RBFOX3: variants seen among roughly 807,000 people sequenced by gnomAD.
RBFOX3 encodes the protein RNA binding protein fox-1 homolog 3.
A neutral mutation model predicts 48.7 loss-of-function variants in RBFOX3; 17 were observed. The observed-to-expected ratio is 0.35, with a 90% CI of 0.24 to 0.52. The LOEUF (loss-of-function observed/expected upper bound fraction) is 0.52. Among genes scored for constraint, RBFOX3 ranks in the 20% least tolerant of loss-of-function variants. The pLI, the probability that RBFOX3 is intolerant of heterozygous loss-of-function variation, is 0.94. For synonymous variants in RBFOX3, 212 were observed against 209.5 expected (o/e 1.01, Z -0.10); for missense variants, 382 against 497.5 (o/e 0.77, Z 2.21).
At chr17:79,555,815 C>A (rs1368210919) in intron 1 of RBFOX3, among the ~76,000 whole-genome samples, 8 of 1,102 alleles carry the variant, frequency 7.3e-3, no homozygotes, top group Admixed American at 0.027. Flanking sequence ...GTGATGGTGA[C>A]GATGATGATA....
At chr17:79,339,740 C>G (rs2081764704) in intron 2 of RBFOX3, among the ~76,000 whole-genome samples, 1 of 152,216 alleles carries the variant, frequency 6.6e-6, no homozygotes, top group African/African-American at 2.4e-5. Flanking sequence ...AAGTTGGGGT[C>G]TGGGTCCTCA....
intron 3 of RBFOX3, among the ~76,000 whole-genome samples, chr17:79,261,130 A>G (rs1031367535): frequency 6.6e-6 from 1 of 151,396 alleles, no homozygotes; most frequent in Non-Finnish European, 1.5e-5. Context: ...TTCCCACCCC[A>G]CGGCGTTCGC....
At chr17:79,147,633 T>C (rs1172143891) in intron 4 of RBFOX3, among the ~76,000 whole-genome samples, 1 of 152,002 alleles carries the variant, frequency 6.6e-6, no homozygotes, top group Non-Finnish European at 1.5e-5. Flanking sequence ...CCAAAGCAGG[T>C]AGTTGGCAAG....
At chr17:79,094,370 G>A (rs1244947292) in intron 14 of RBFOX3, 81 bp downstream of exon 14, 9 of 1,026,314 alleles carry the variant, frequency 8.8e-6, no homozygotes, top group Admixed American at 6.4e-5. Context: ...CAGAGGGCTC[G>A]GCCTCTCCCC....
intron 1 of RBFOX3, among the ~76,000 whole-genome samples, chr17:79,522,668 G>A (rs887538704): frequency 1.3e-5 from 2 of 152,000 alleles, no homozygotes; most frequent in Non-Finnish European, 2.9e-5. Flanking sequence ...GGTGGCTCAC[G>A]CCTGTAAACC....
intron 4 of RBFOX3, among the ~76,000 whole-genome samples, chr17:79,167,907 G>C (rs2145601998): frequency 6.6e-6 from 1 of 152,326 alleles, no homozygotes; most frequent in East Asian, 1.9e-4. Flanking sequence ...AGGCTCTATG[G>C]ATTTCCGAGG....
chr17:79,239,900 G>A (rs1369661954), intron 3 of RBFOX3, among the ~76,000 whole-genome samples: 1 of 152,222 alleles, frequency 6.6e-6, no homozygotes, highest in African/African-American at 2.4e-5. Flanking sequence ...TTGCTCTTGG[G>A]GAATCCCAGC....
At chr17:79,646,261 A>C in the RBFOX3 span, among the ~76,000 whole-genome samples, 1 of 152,222 alleles carries the variant, frequency 6.6e-6, no homozygotes, top group African/African-American at 2.4e-5. Context: ...GCAATGTCCC[A>C]GGTATTGTTC....
chr17:79,401,827 C>T (rs950678533), intron 2 of RBFOX3, among the ~76,000 whole-genome samples: 6 of 152,246 alleles, frequency 3.9e-5, no homozygotes, highest in African/African-American at 1.4e-4. Flanking sequence ...CAGCTTGACA[C>T]ACCAGCCCCA....
chr17:79,526,451 A>C (rs1268688491), intron 1 of RBFOX3, among the ~76,000 whole-genome samples: 2 of 152,232 alleles, frequency 1.3e-5, no homozygotes, highest in African/African-American at 2.4e-5. Flanking sequence ...GAATTTCTGC[A>C]AGGCTGTGCC....
intron 2 of RBFOX3, among the ~76,000 whole-genome samples, chr17:79,365,660 C>T (rs2147414759): frequency 6.6e-6 from 1 of 152,328 alleles, no homozygotes; most frequent in South Asian, 2.1e-4. Flanking sequence ...TTTGATAACA[C>T]CTTCCACAGA....
Position 79,305,022 on chromosome 17 carries a change from C to T in RBFOX3, c.-74+2702G>A, listed in dbSNP as rs1459502471. The stretch of plus-strand genomic sequence containing the variant: ...TATCCTGAGCCCCGTGCTTAGAGGG[C>T]CGGGTGGACTCCGCTGTGGCCCTGC... On this transcript the variant is annotated intron_variant, in intron 3 of 14. Transcript: ENST00000693108. 3.0e-4 allele frequency among the ~76,000 whole-genome samples: 45 copies of T among 152,302 alleles called. 1 individual carries two copies.
chr17:79,302,695 G>A (rs905234177), intron 3 of RBFOX3, among the ~76,000 whole-genome samples: 1 of 152,122 alleles, frequency 6.6e-6, no homozygotes, highest in African/African-American at 2.4e-5. Flanking sequence ...AAAGAAATGA[G>A]TGAGTGAATG....
At chr17:79,524,540 T>C (rs1017480597) in intron 1 of RBFOX3, among the ~76,000 whole-genome samples, 1,567 of 152,194 alleles carry the variant, frequency 0.01, 15 homozygotes, top group Admixed American at 0.016. Flanking sequence ...ATCCCCCTCC[T>C]AGGAGGCCAA....
rs561959199 is a variant in RBFOX3 at position 79,252,886 on chromosome 17, AAC to A, written c.-73-17083_-73-17082del. On this transcript the variant is annotated intron_variant, in intron 3 of 14. Coordinates refer to ENST00000693108, the MANE Select transcript of RBFOX3 (RefSeq NM_001350451.2). This position sits in a 1 kb window ranked among gnomAD's most constrained non-coding sequence, Gnocchi z 4.0. ...GGAGCTGAAAAATCTCAAATCTGCC[AAC>A]CCCACCCTTCCCCCTCTATCCCGCC... is the stretch of plus-strand genomic sequence containing the variant. 7.2e-5 allele frequency among the ~76,000 whole-genome samples: 11 copies of A among 152,136 alleles called. No individual in the cohort carries two copies. Among genetic ancestry groups the A allele is most frequent in the Admixed American group, 2.0e-4 (3 of 15,286 alleles).
chr17:79,430,223 T>A (rs74000090), intron 2 of RBFOX3, among the ~76,000 whole-genome samples: 3,246 of 151,814 alleles, frequency 0.021, 109 homozygotes, highest in African/African-American at 0.075. Flanking sequence ...GTTTTTACAA[T>A]AGCAAGAAAA....
chr17:79,129,013 G>A (rs1470310043), intron 4 of RBFOX3, among the ~76,000 whole-genome samples: 1 of 152,104 alleles, frequency 6.6e-6, no homozygotes, highest in Non-Finnish European at 1.5e-5. Flanking sequence ...AGCAGTGGAG[G>A]GTAGCACCCC....
At chr17:79,119,010 A>AAAAAAAAAGAAAAT (rs2034979147) in intron 4 of RBFOX3, among the ~76,000 whole-genome samples, 3 of 116,338 alleles carry the variant, frequency 2.6e-5, no homozygotes, top group Non-Finnish European at 6.1e-5. Flanking sequence ...AAATAAAATA[A>AAAAAAAAAGAAAAT]AAAAGAAAGC....
intron 12 of RBFOX3, 40 bp downstream of exon 12, chr17:79,096,613 C>A (rs1042551101): frequency 6.7e-7 from 1 of 1,503,652 alleles, no homozygotes; most frequent in African/African-American, 1.4e-5. Context: ...ACCCACAGAA[C>A]GCCTGATCCC....
Sources: allele counts gnomAD v4.1 joint callset (sites outside exome capture counted in the v4.1 genomes callset), GRCh38; gene constraint gnomAD v4.1.1; non-coding constraint Gnocchi (gnomAD v3.1); transcripts MANE v1.5; gene names NCBI Gene and HGNC (gene_info 2026-07-23, HGNC 2026-07-21).